Variants in NRG1 observed in about 807,000 individuals in gnomAD.
NRG1 encodes neuregulin 1.
A neutral mutation model predicts 63.8 loss-of-function variants in NRG1; 18 were observed. The observed-to-expected ratio is 0.28, with a 90% CI of 0.19 to 0.42. NRG1 has a LOEUF of 0.42. Ranked by LOEUF, NRG1 falls within the 10% of genes least tolerant of loss-of-function variation. NRG1 has a pLI of 1.00. For synonymous variants in NRG1, 302 were observed against 301.3 expected (o/e 1.00, Z -0.02); for missense variants, 762 against 814.7 (o/e 0.94, Z 0.79).
At chr8:32,655,379 A>T (rs1476361555) in intron 5 of NRG1, among the ~76,000 whole-genome samples, 1 of 152,216 alleles carries the variant, frequency 6.6e-6, no homozygotes, top group Non-Finnish European at 1.5e-5. Context: ...TTCACTTGAG[A>T]TTTAGTTTTA....
At chr8:31,919,773 A>G (rs1023939560) in intron 1 of NRG1, among the ~76,000 whole-genome samples, 3 of 152,110 alleles carry the variant, frequency 2.0e-5, no homozygotes, top group Non-Finnish European at 4.4e-5. Flanking sequence ...AAGAGCTTAT[A>G]ATTTAGTAGA....
At chr8:32,346,161 T>C (rs1483162550) in intron 1 of NRG1, among the ~76,000 whole-genome samples, 1 of 146,806 alleles carries the variant, frequency 6.8e-6, no homozygotes, top group Non-Finnish European at 1.5e-5. Flanking sequence ...ATATATATAA[T>C]TATATATAGG....
chr8:32,184,699 G>A (rs1054202014), intron 1 of NRG1, among the ~76,000 whole-genome samples: 6 of 151,988 alleles, frequency 3.9e-5, no homozygotes, highest in South Asian at 4.1e-4. Flanking sequence ...TGCTTTAATG[G>A]TTAGAGCTGT....
chr8:32,413,126 C>T (rs139605157), intron 1 of NRG1, among the ~76,000 whole-genome samples: 2,221 of 152,196 alleles, frequency 0.015, 17 homozygotes, highest in Non-Finnish European at 0.023. Context: ...CCATCTTATC[C>T]TAAGAATTTA....
intron 1 of NRG1, among the ~76,000 whole-genome samples, chr8:31,774,523 G>A (rs910948471): frequency 6.6e-6 from 1 of 152,120 alleles, no homozygotes; most frequent in African/African-American, 2.4e-5. Flanking sequence ...AGAGAATAGA[G>A]GTATCTGGCA....
At chr8:31,793,599 G>T (rs1392557097) in intron 1 of NRG1, among the ~76,000 whole-genome samples, 1 of 152,206 alleles carries the variant, frequency 6.6e-6, no homozygotes, top group African/African-American at 2.4e-5. Flanking sequence ...GGAATTACTT[G>T]AGAATCTATT....
chr8:32,163,938 C>G (rs1171805117), intron 1 of NRG1, among the ~76,000 whole-genome samples: 1 of 152,114 alleles, frequency 6.6e-6, no homozygotes, highest in Non-Finnish European at 1.5e-5. Flanking sequence ...CATTTATGAA[C>G]CACTGGCTCC....
At chr8:32,287,025 C>T (rs998709914) in intron 1 of NRG1, 1 of 152,368 alleles carries the variant, frequency 6.6e-6, no homozygotes, top group Non-Finnish European at 1.5e-5. Context: ...ACAAAAAAAA[C>T]CTCCATGCTT....
intron 1 of NRG1, among the ~76,000 whole-genome samples, chr8:31,863,672 C>T (rs1479757809): frequency 6.6e-6 from 1 of 152,222 alleles, no homozygotes; most frequent in Non-Finnish European, 1.5e-5. Context: ...CTTTTACCAT[C>T]TTGCCCACTT....
intron 1 of NRG1, among the ~76,000 whole-genome samples, chr8:31,657,793 G>A (rs1805576970): frequency 6.6e-6 from 1 of 152,144 alleles, no homozygotes; most frequent in Non-Finnish European, 1.5e-5. Context: ...GATTCAAAAA[G>A]GTTTACAGAA....
intron 1 of NRG1, among the ~76,000 whole-genome samples, chr8:32,482,187 G>A (rs11783815): frequency 0.18 from 26,743 of 151,888 alleles, 2,535 homozygotes; most frequent in Non-Finnish European, 0.19. Flanking sequence ...TCGTTGTTGT[G>A]CTGGTAACCA....
intron 1 of NRG1, among the ~76,000 whole-genome samples, chr8:32,445,643 CTTCTCTT>C (rs1036374047): frequency 2.0e-4 from 31 of 152,292 alleles, no homozygotes; most frequent in African/African-American, 7.0e-4. Flanking sequence ...TCACTTCTCT[CTTCTCTT>C]TTCTTTAATT....
intron 1 of NRG1, among the ~76,000 whole-genome samples, chr8:32,203,549 AT>A (rs1194341632): frequency 1.3e-5 from 2 of 151,750 alleles, no homozygotes; most frequent in African/African-American, 4.8e-5. Context: ...TTTAGTAGAG[AT>A]GGGATTTCAC....
At chr8:32,472,432 A>G (rs963735505) in intron 1 of NRG1, among the ~76,000 whole-genome samples, 2 of 152,196 alleles carry the variant, frequency 1.3e-5, no homozygotes, top group African/African-American at 4.8e-5. Flanking sequence ...GGTCTCTCAA[A>G]GTGCTGGGAT....
chr8:32,109,063 T>G (rs1331835143), intron 1 of NRG1, among the ~76,000 whole-genome samples: 1 of 152,168 alleles, frequency 6.6e-6, no homozygotes, highest in African/African-American at 2.4e-5. Flanking sequence ...CTGCAACATC[T>G]TTGGTGTAAT....
chr8:31,781,750 C>T (rs1427719464), intron 1 of NRG1, among the ~76,000 whole-genome samples: 2 of 151,928 alleles, frequency 1.3e-5, no homozygotes, highest in Admixed American at 1.3e-4. Context: ...TGTTTCCTGC[C>T]AAGTATGTGC....
At chr8:32,501,007 G>A (rs141723474) in intron 1 of NRG1, among the ~76,000 whole-genome samples, 3 of 152,300 alleles carry the variant, frequency 2.0e-5, no homozygotes, top group Admixed American at 6.5e-5. Context: ...GTCAGCAGAA[G>A]CCTGTACTCC....
upstream of NRG1, among the ~76,000 whole-genome samples, chr8:32,547,978 C>A (rs1167900885): frequency 2.0e-5 from 3 of 152,124 alleles, no homozygotes; most frequent in East Asian, 2.0e-4. Context: ...GGGGAGCGGG[C>A]AGCGAGAGCC....
intron 1 of NRG1, among the ~76,000 whole-genome samples, chr8:31,863,060 G>T (rs983006849): frequency 5.3e-5 from 8 of 152,108 alleles, no homozygotes. Context: ...TTAAACATAG[G>T]TATCCAGAAA....
Sources: allele counts gnomAD v4.1 joint callset (sites outside exome capture counted in the v4.1 genomes callset), GRCh38; gene constraint gnomAD v4.1.1; transcripts MANE v1.5; gene names NCBI Gene and HGNC (gene_info 2026-07-23, HGNC 2026-07-21).